CORO7: variants seen among roughly 807,000 people sequenced by gnomAD.
The protein encoded by CORO7 is coronin-7.
In CORO7, 107 loss-of-function variants were observed where a neutral mutation model predicts 126.6. The observed-to-expected ratio is 0.85, with a 90% confidence interval of 0.72 to 0.99. The LOEUF is 0.99. CORO7 is among the 50% of genes least tolerant of loss of function. CORO7 has a pLI of 0.00. For missense variants in CORO7, 1,314 were observed against 1,255.8 expected, an observed-to-expected ratio of 1.05 and a Z score of -0.70; for synonymous variants, 603 against 536.8, an observed-to-expected ratio of 1.12 and a Z score of -1.70.
Position 4,357,211 on chromosome 16 carries a change from G to T in CORO7, c.2642C>A (p.Ala881Glu). 1 of 1,613,866 alleles carries T rather than the reference G, an allele frequency of 6.2e-7. No individual in the cohort carries two copies. Among genetic ancestry groups the T allele is most frequent in the East Asian group, 2.2e-5 (1 of 44,878 alleles). ...EAPARRAPSS[A>E]QYLEEKSDQQ... ...GTCAGACTTTTCTTCCAGGTACTGC[G>T]CTGAGGATGGGGCCCGACGAGCAGG... is the stretch of plus-strand genomic sequence containing the variant. The change falls in exon 26 of 28, where the codon GCG becomes GAG. Residue 881 changes from alanine to glutamate, a missense_variant. By Grantham distance (107) the Ala-to-Glu change is moderately radical. Coordinates refer to ENST00000251166, the MANE Select transcript of CORO7 (RefSeq NM_024535.5).
chr16:4,377,758 G>A (rs1448730140), intron 9 of CORO7, among the ~76,000 whole-genome samples: 4 of 152,180 alleles, frequency 2.6e-5, no homozygotes, highest in South Asian at 2.1e-4. Flanking sequence ...AAGCTCCAGC[G>A]CTGCCTCCTC....
chr16:4,384,211 G>T (rs1421761920), intron 9 of CORO7, among the ~76,000 whole-genome samples: 2 of 152,242 alleles, frequency 1.3e-5, no homozygotes, highest in Admixed American at 1.3e-4. Flanking sequence ...CTTGCAGACG[G>T]TGCCAGGATT....
intron 9 of CORO7, chr16:4,381,987 C>T: frequency 6.2e-7 from 1 of 1,607,644 alleles, no homozygotes; most frequent in East Asian, 2.2e-5. Flanking sequence ...AGCCCACAGC[C>T]TTGTCTTCTA....
chr16:4,361,066 G>A lies in CORO7; in HGVS notation c.1794C>T (p.Cys598=), dbSNP rs774934224. The change falls in exon 19 of 28, where the codon TGC becomes TGT. Residue 598 remains cysteine (C), a synonymous_variant. Coordinates refer to ENST00000251166, the MANE Select transcript of CORO7 (RefSeq NM_024535.5). ...TVLTGHTEKI[C]SLRFHPLAAN... The stretch of plus-strand genomic sequence containing the variant: ...CTGCCAGTGGGTGGAAGCGCAGGGA[G>A]CAGATCTTCTCCGTGTGGCCTGGAG... 8 of 1,613,418 alleles carry A rather than the reference G, an allele frequency of 5.0e-6. No homozygotes were observed. Among genetic ancestry groups the A allele is most frequent in the Non-Finnish European group, 6.8e-6 (8 of 1,180,022 alleles).
intron 6 of CORO7, among the ~76,000 whole-genome samples, chr16:4,401,840 AGAT>A (rs1444246328): frequency 2.0e-5 from 3 of 151,952 alleles, no homozygotes; most frequent in Non-Finnish European, 4.4e-5. Context: ...GCCCGAGTCC[AGAT>A]GCCAACACCA....
chr16:4,386,933 C>T (rs1281467523), intron 9 of CORO7, among the ~76,000 whole-genome samples: 1 of 152,194 alleles, frequency 6.6e-6, no homozygotes, highest in Non-Finnish European at 1.5e-5. Context: ...TACCCCCAGA[C>T]ACATACCCTT....
At chr16:4,391,586 C>G (rs943265679) in intron 7 of CORO7, among the ~76,000 whole-genome samples, 2 of 152,116 alleles carry the variant, frequency 1.3e-5, no homozygotes, top group Middle Eastern at 3.2e-3. Flanking sequence ...ACCCAACTAG[C>G]TTGACGTGGT....
rs376129478 is a variant in CORO7 at position 4,362,579 on chromosome 16, G to A, written c.1402+33C>T. On this transcript the variant is annotated intron_variant, in intron 15 of 27. Transcript: ENST00000251166. This position sits in a 1 kb window ranked among gnomAD's most constrained non-coding sequence, Gnocchi z 5.3. ...GGAGTGGGGCAGACAGGGCTCCTGCGGTAGGGGTGAGCTCCCCGTCCTGCC... is the reference window on the plus strand; with the variant it reads ...GGAGTGGGGCAGACAGGGCTCCTGCAGTAGGGGTGAGCTCCCCGTCCTGCC... 124 of 1,524,484 alleles carry A rather than the reference G, an allele frequency of 8.1e-5. No homozygotes were observed. In the African/African-American group the frequency reaches 1.0e-3, roughly 12 times the overall value. The allele number at this position is 1,524,484 out of a possible 1,614,324, so 94.4% of individuals were successfully genotyped here.
intron 6 of CORO7, among the ~76,000 whole-genome samples, chr16:4,404,869 T>G (rs1344653620): frequency 6.6e-6 from 1 of 151,942 alleles, no homozygotes; most frequent in Non-Finnish European, 1.5e-5. Context: ...GCGAATCCGC[T>G]CCCCTCACTG....
At chr16:4,403,035 C>G (rs964228947) in intron 6 of CORO7, among the ~76,000 whole-genome samples, 1 of 152,054 alleles carries the variant, frequency 6.6e-6, no homozygotes, top group African/African-American at 2.4e-5. Context: ...GGGGTGGGGG[C>G]ACACTCTGGT....
intron 6 of CORO7, among the ~76,000 whole-genome samples, chr16:4,396,363 G>A (rs543000959): frequency 3.9e-5 from 6 of 152,204 alleles, no homozygotes; most frequent in Non-Finnish European, 7.3e-5. Context: ...ACAGGCGTAA[G>A]CCACCATGTT....
In CORO7 at chr16:4,415,976, C is replaced by A. The variant is rs548542174; in HGVS notation, c.60+483G>T. ...GGGGCGCGTGCGGCCGAGGGGCTCC[C>A]TCCCCACCACTGACACACTTGGGCT... is the stretch of plus-strand genomic sequence containing the variant. On this transcript the variant is annotated intron_variant, in intron 1 of 27. Coordinates refer to ENST00000251166, the MANE Select transcript of CORO7 (RefSeq NM_024535.5). 1.5e-4 allele frequency: 110 copies of A among 711,106 alleles called. No homozygotes were observed. In the South Asian group the frequency reaches 5.4e-3, roughly 35 times the overall value. 44.0% of individuals were successfully genotyped at this position (711,106 alleles called of 1,614,324 possible).
chr16:4,376,134 G>A (rs577023961), intron 9 of CORO7, among the ~76,000 whole-genome samples: 1 of 152,284 alleles, frequency 6.6e-6, no homozygotes, highest in South Asian at 2.1e-4. Flanking sequence ...AGGAACTCGA[G>A]GCCCAGCCCT....
chr16:4,364,235 C>A, intron 14 of CORO7, 41 bp downstream of exon 14: 1 of 1,496,752 alleles, frequency 6.7e-7, no homozygotes. Flanking sequence ...GCAGCCACTG[C>A]AGTGTCGCTG....
chr16:4,382,338 C>T, intron 9 of CORO7: 1 of 1,611,300 alleles, frequency 6.2e-7, no homozygotes, highest in Non-Finnish European at 8.5e-7. Flanking sequence ...TCCAGGGGAG[C>T]TCCGTGCAGC....
Position 4,361,476 on chromosome 16 carries a change from G to T in CORO7, c.1579-7C>A, listed in dbSNP as rs1011797727. 19 of 1,610,698 alleles carry T rather than the reference G, an allele frequency of 1.2e-5. No individual in the cohort carries two copies. Among genetic ancestry groups the T allele is most frequent in the Non-Finnish European group, 1.5e-5 (18 of 1,179,642 alleles). On this transcript the variant is annotated splice_region_variant and splice_polypyrimidine_tract_variant and intron_variant, in intron 16 of 27. Transcript: ENST00000251166. ...GGCGGCCAGGCTTCCGTAGCTGTGG[G>T]AGGTGCCCCCACCCCGAGGCCCATC...
intron 3 of CORO7, among the ~76,000 whole-genome samples, chr16:4,410,076 C>T (rs1422504868): frequency 6.6e-6 from 1 of 152,106 alleles, no homozygotes; most frequent in Non-Finnish European, 1.5e-5. Context: ...GGGCTCACCA[C>T]CTTGCAAGCA....
At position 4,365,017 on chromosome 16, in the gene CORO7, G is replaced by C. The variant is rs142737736; in HGVS notation, c.884C>G (p.Pro295Arg). 8.1e-6 allele frequency: 13 copies of C among 1,605,934 alleles called. No homozygotes were observed. Among genetic ancestry groups the C allele is most frequent in the Non-Finnish European group, 1.1e-5 (13 of 1,176,758 alleles). ...GCAAGGCTTACCTGGGCTCAGCGCC[G>C]GCTGCTGCGGGACCACCTCGTAACA... is the stretch of plus-strand genomic sequence containing the variant. ...LYCYEVVPQQPALSPVTQCVL... is the reference protein window; with the variant it reads ...LYCYEVVPQQRALSPVTQCVL... The change falls in exon 11 of 28, where the codon CCG becomes CGG. Residue 295 changes from proline to arginine, a missense_variant. Pro to Arg is a moderately radical substitution (Grantham distance 103). Coordinates refer to ENST00000251166, the MANE Select transcript of CORO7 (RefSeq NM_024535.5).
chr16:4,387,326 C>T (rs923280968), intron 9 of CORO7, among the ~76,000 whole-genome samples: 1 of 152,120 alleles, frequency 6.6e-6, no homozygotes, highest in African/African-American at 2.4e-5. Context: ...TGTGCCTGGC[C>T]AGGACCCCGC....
Sources: allele counts gnomAD v4.1 joint callset (sites outside exome capture counted in the v4.1 genomes callset), GRCh38; gene constraint gnomAD v4.1.1; non-coding constraint Gnocchi (gnomAD v3.1); transcripts MANE v1.5; gene names NCBI Gene and HGNC (gene_info 2026-07-23, HGNC 2026-07-21).